The following FKBP5 variants were observed in gnomAD, a reference collection of about 807,000 sequenced individuals.
The protein encoded by FKBP5 is peptidyl-prolyl cis-trans isomerase FKBP5.
FKBP5 carries 23 observed loss-of-function variants against 50.5 expected under a neutral mutation model. The observed-to-expected ratio is 0.46, with a 90% CI of 0.33 to 0.65. FKBP5 has a LOEUF of 0.65. FKBP5 is among the 30% of genes least tolerant of loss of function. The pLI, the probability that FKBP5 is intolerant of heterozygous loss-of-function variation, is 0.02. For missense variants in FKBP5, 411 were observed against 553.1 expected (o/e 0.74, Z 2.58); for synonymous variants, 176 against 190.6 (o/e 0.92, Z 0.63).
intron 5 of FKBP5, among the ~76,000 whole-genome samples, chr6:35,598,584 G>A (rs1226956366): frequency 5.9e-5 from 9 of 152,136 alleles, no homozygotes; most frequent in African/African-American, 2.2e-4. Flanking sequence ...TTAATATTAA[G>A]GGTATTCTAT....
At chr6:35,603,243 A>G (rs1265923760) in intron 5 of FKBP5, among the ~76,000 whole-genome samples, 1 of 152,242 alleles carries the variant, frequency 6.6e-6, no homozygotes, top group Non-Finnish European at 1.5e-5. Context: ...AAGGAATGTT[A>G]GCTATAATTA....
intron 5 of FKBP5, chr6:35,607,873 G>C (rs894954901): frequency 5.8e-5 from 11 of 190,270 alleles, no homozygotes; most frequent in Non-Finnish European, 1.2e-4. Context: ...TGCACCAAGA[G>C]GAAGCAGGAG....
At chr6:35,688,089 A>G (rs551185029) in intron 1 of FKBP5, among the ~76,000 whole-genome samples, 1 of 152,232 alleles carries the variant, frequency 6.6e-6, no homozygotes, top group African/African-American at 2.4e-5. Flanking sequence ...AGTGACGCGG[A>G]TCACCTGTTA....
At chr6:35,711,023 A>C (rs1213673526) in intron 2 of FKBP5, among the ~76,000 whole-genome samples, 1 of 152,182 alleles carries the variant, frequency 6.6e-6, no homozygotes, top group Non-Finnish European at 1.5e-5. Flanking sequence ...GATTGATTGC[A>C]AAAAGAAACA....
At chr6:35,642,587 G>A in intron 2 of FKBP5, 133 bp downstream of exon 2, 2 of 575,188 alleles carry the variant, frequency 3.5e-6, no homozygotes, top group South Asian at 6.3e-5. Context: ...GACAAAATGA[G>A]AATCTAGCTC....
At chr6:35,727,456 A>G (rs1766738049) in intron 1 of FKBP5, among the ~76,000 whole-genome samples, 1 of 152,020 alleles carries the variant, frequency 6.6e-6, no homozygotes, top group Non-Finnish European at 1.5e-5. Context: ...TGTCGTCCAC[A>G]CCCACTCGCC....
intron 5 of FKBP5, chr6:35,608,082 T>C (rs1336794054): frequency 6.6e-6 from 1 of 151,416 alleles, no homozygotes; most frequent in Non-Finnish European, 1.5e-5. Context: ...GCAACACAGA[T>C]GCAGCTGGAG....
rs138156141 is a variant in FKBP5 at position 35,643,935 on chromosome 6, T to C, written c.-19-1092A>G. Among the ~76,000 whole-genome samples the C allele has an allele frequency of 3.8e-4, 58 of 152,312 alleles. 1 individual carries two copies. The highest frequency in any genetic ancestry group is 2.3e-3 in the South Asian group (11 of 4,832). ...CCTTTGAGAATGGTAAGACAAAAAG[T>C]GCAAGGAATTTGTAATGGAATTTGG... On this transcript the variant is annotated intron_variant, in intron 1 of 10. Coordinates refer to ENST00000357266, the MANE Select transcript of FKBP5 (RefSeq NM_004117.4).
At chr6:35,603,473 G>A (rs1027731765) in intron 5 of FKBP5, among the ~76,000 whole-genome samples, 2 of 152,092 alleles carry the variant, frequency 1.3e-5, no homozygotes, top group Non-Finnish European at 2.9e-5. Flanking sequence ...TTAAAATAGG[G>A]CATTAAGGAC....
intron 2 of FKBP5, among the ~76,000 whole-genome samples, chr6:35,697,976 A>G (rs748189999): frequency 6.6e-6 from 1 of 152,246 alleles, no homozygotes; most frequent in Non-Finnish European, 1.5e-5. Context: ...TTAAGCAACA[A>G]CTATCATATT....
chr6:35,681,709 C>T lies in FKBP5; in HGVS notation c.-20+7095G>A, dbSNP rs75850660. On this transcript the variant is annotated intron_variant, in intron 1 of 10. Transcript: ENST00000357266. ...ATAAGATTTCACAGAAAAAAAGTTTCGCATATAAATATGCCTGGGAAATAA... is the reference window on the plus strand; with the variant it reads ...ATAAGATTTCACAGAAAAAAAGTTTTGCATATAAATATGCCTGGGAAATAA... Among the ~76,000 whole-genome samples the T allele has an allele frequency of 1.3e-3, 196 of 152,040 alleles. 2 individuals carry two copies. In the East Asian group the frequency reaches 0.029, roughly 23 times the overall value.
chr6:35,721,626 G>T (rs1459712388), intron 1 of FKBP5, among the ~76,000 whole-genome samples: 1 of 152,102 alleles, frequency 6.6e-6, no homozygotes, highest in African/African-American at 2.4e-5. Flanking sequence ...CGGCTAATTT[G>T]TATTTTTAGT....
intron 3 of FKBP5, among the ~76,000 whole-genome samples, chr6:35,630,420 G>A (rs1455830808): frequency 6.6e-6 from 1 of 152,030 alleles, no homozygotes; most frequent in East Asian, 1.9e-4. Context: ...GGTGGTGCAT[G>A]CCTGTAATCC....
chr6:35,587,397 T>C (rs1762636064), intron 7 of FKBP5, among the ~76,000 whole-genome samples: 1 of 152,222 alleles, frequency 6.6e-6, no homozygotes, highest in Non-Finnish European at 1.5e-5. Context: ...TAAGCACTGC[T>C]ACAAAGTGCA....
chr6:35,701,256 T>C (rs372103035), intron 2 of FKBP5, among the ~76,000 whole-genome samples: 1 of 149,990 alleles, frequency 6.7e-6, no homozygotes, highest in Non-Finnish European at 1.5e-5. Flanking sequence ...TTGTTTTTTT[T>C]TTTTTGAGAC....
intron 1 of FKBP5, among the ~76,000 whole-genome samples, chr6:35,668,144 T>C (rs1765281118): frequency 6.6e-6 from 1 of 152,244 alleles, no homozygotes; most frequent in Admixed American, 6.5e-5. Flanking sequence ...GAATCCTCTA[T>C]GGCAACAGCA....
intron 1 of FKBP5, among the ~76,000 whole-genome samples, chr6:35,725,896 C>G (rs573936875): frequency 1.2e-4 from 18 of 152,256 alleles, no homozygotes; most frequent in Non-Finnish European, 2.2e-4. Flanking sequence ...CCTCCTCCCC[C>G]ACTTCTCCCA....
At position 35,623,221 on chromosome 6, in the gene FKBP5, GA is replaced by G. The variant is rs1316509889; in HGVS notation, c.251-2948del. 4.6e-5 allele frequency among the ~76,000 whole-genome samples: 7 copies of G among 152,226 alleles called. No individual in the cohort carries two copies. The East Asian group carries it at 1.3e-3, about 29-fold the overall frequency. ...AGCGCCACTGCACTCCAGCCTGGGC[GA>G]AAGAGCGAGACTCCGTCTCAAAAAT... On this transcript the variant is annotated intron_variant, in intron 3 of 10. Coordinates refer to ENST00000357266, the MANE Select transcript of FKBP5 (RefSeq NM_004117.4).
chr6:35,693,215 T>G (rs1766025735), upstream of FKBP5, among the ~76,000 whole-genome samples: 1 of 138,918 alleles, frequency 7.2e-6, no homozygotes, highest in African/African-American at 2.7e-5. Flanking sequence ...CAGGCTGGAG[T>G]GCAGTGGCGC....
Sources: allele counts gnomAD v4.1 joint callset (sites outside exome capture counted in the v4.1 genomes callset), GRCh38; gene constraint gnomAD v4.1.1; transcripts MANE v1.5; gene names NCBI Gene and HGNC (gene_info 2026-07-23, HGNC 2026-07-21).